TBC1D19: variants seen among roughly 807,000 people sequenced by gnomAD.
The protein encoded by TBC1D19 is TBC1 domain family, member 19.
TBC1D19 carries 60 observed loss-of-function variants against 89.0 expected under a neutral mutation model. That is an observed-to-expected ratio of 0.67 (90% CI 0.55 to 0.84). The LOEUF (loss-of-function observed/expected upper bound fraction) is 0.84, where lower values mean the gene tolerates loss of function less well. TBC1D19 is among the 40% of genes least tolerant of loss of function. TBC1D19 has a pLI of 0.00. For synonymous variants in TBC1D19, 189 were observed against 199.7 expected (o/e 0.95, Z 0.45); for missense variants, 500 against 610.8 (o/e 0.82, Z 1.91).
At chr4:26,838,292 C>G in the TBC1D19 span, among the ~76,000 whole-genome samples, 2 of 152,182 alleles carry the variant, frequency 1.3e-5, no homozygotes, top group Non-Finnish European at 2.9e-5. Context: ...TTCAGAGAGA[C>G]ACAGTCTGTG....
chr4:26,716,782 A>G (rs1409577840), intron 13 of TBC1D19, among the ~76,000 whole-genome samples: 3 of 151,890 alleles, frequency 2.0e-5, no homozygotes. Context: ...CCTTTTGTTT[A>G]TCATCTGTAT....
chr4:26,718,065 G>A (rs1439164094), intron 14 of TBC1D19, 48 bp downstream of exon 14: 4 of 1,400,578 alleles, frequency 2.9e-6, no homozygotes, highest in Non-Finnish European at 4.0e-6. Context: ...ACATAATCAT[G>A]CCAAGAATAT....
intron 8 of TBC1D19, among the ~76,000 whole-genome samples, chr4:26,661,206 A>T (rs1323843797): frequency 6.6e-6 from 1 of 152,178 alleles, no homozygotes; most frequent in Non-Finnish European, 1.5e-5. Context: ...CTGCACTCGG[A>T]GGCCTCAGAC....
chr4:26,632,856 G>T (rs1322715987), intron 4 of TBC1D19, among the ~76,000 whole-genome samples: 1 of 151,992 alleles, frequency 6.6e-6, no homozygotes, highest in African/African-American at 2.4e-5. Flanking sequence ...TTGTTTTTTG[G>T]CACCACTTCT....
chr4:26,834,057 A>G, the TBC1D19 span, among the ~76,000 whole-genome samples: 1 of 151,972 alleles, frequency 6.6e-6, no homozygotes, highest in African/African-American at 2.4e-5. Flanking sequence ...TTCTTATGAG[A>G]TCTGGTTGTT....
At chr4:26,842,847 A>G in the TBC1D19 span, among the ~76,000 whole-genome samples, 61,093 of 151,540 alleles carry the variant, frequency 0.4, 13,133 homozygotes, top group African/African-American at 0.56. Context: ...ATCTCGACAC[A>G]CATTTGTAAC....
At chr4:26,649,281 T>C (rs921540974) in intron 7 of TBC1D19, among the ~76,000 whole-genome samples, 1 of 152,202 alleles carries the variant, frequency 6.6e-6, no homozygotes, top group Non-Finnish European at 1.5e-5. Context: ...CTTCCTCAAA[T>C]ATGATAGCGT....
intron 13 of TBC1D19, among the ~76,000 whole-genome samples, chr4:26,706,217 G>A (rs1406436798): frequency 6.6e-6 from 1 of 152,136 alleles, no homozygotes; most frequent in African/African-American, 2.4e-5. Flanking sequence ...CTAGTTACAG[G>A]TCTGTTCAGA....
intron 1 of TBC1D19, among the ~76,000 whole-genome samples, chr4:26,577,315 CTG>C (rs377519156): frequency 4.0e-4 from 61 of 150,762 alleles, no homozygotes; most frequent in African/African-American, 1.4e-3. Flanking sequence ...GTGTGTGTGT[CTG>C]TGTGTGTGTG....
At position 26,637,248 on chromosome 4, in the gene TBC1D19, G is replaced by C; in HGVS notation, c.332G>C (p.Ser111Thr). Residue 111 changes from serine (S) to threonine (T), a missense_variant, in exon 5 of 21, where the codon AGT becomes ACT. Ser to Thr is a moderately conservative substitution (Grantham distance 58, BLOSUM62 1). This residue lies in a region of TBC1D19 where 280 missense variants were observed against 291.7 expected (regional missense o/e 0.96). Coordinates refer to ENST00000264866, the MANE Select transcript of TBC1D19 (RefSeq NM_018317.4). Reference sequence around the variant, plus strand: ...AAAAGAATTTTGAAGAGTTTAAATAGTATGTGCACTGAACTGAGTATCCCA... The same window carrying C: ...AAAAGAATTTTGAAGAGTTTAAATACTATGTGCACTGAACTGAGTATCCCA... ...WEKRILKSLN[S>T]MCTELSIPLA... 6.2e-7 allele frequency: 1 copy of C among 1,611,278 alleles called. No individual in the cohort carries two copies. The highest frequency in any genetic ancestry group is 8.5e-7 in the Non-Finnish European group (1 of 1,178,556).
intron 7 of TBC1D19, among the ~76,000 whole-genome samples, chr4:26,645,945 A>G (rs2035920495): frequency 6.6e-6 from 1 of 151,690 alleles, no homozygotes; most frequent in African/African-American, 2.4e-5. Context: ...AAAACGGTGA[A>G]ACCCCGTCTC....
At chr4:26,738,973 A>G (rs570593261) in intron 16 of TBC1D19, among the ~76,000 whole-genome samples, 8 of 152,294 alleles carry the variant, frequency 5.3e-5, no homozygotes, top group African/African-American at 1.7e-4. Context: ...TACTTGTCCA[A>G]TACATATTGT....
chr4:26,601,502 G>A (rs1239774492), intron 1 of TBC1D19, among the ~76,000 whole-genome samples: 3 of 152,200 alleles, frequency 2.0e-5, no homozygotes, highest in Admixed American at 6.5e-5. Context: ...TAGAGATTGG[G>A]GAAGTCTTGG....
the TBC1D19 span, among the ~76,000 whole-genome samples, chr4:26,791,413 C>G: frequency 6.6e-6 from 1 of 152,064 alleles, no homozygotes; most frequent in South Asian, 2.1e-4. Flanking sequence ...CCTTGAGGAC[C>G]AGCTGGCTTT....
chr4:26,681,365 C>T (rs1433849295), intron 11 of TBC1D19, among the ~76,000 whole-genome samples: 1 of 151,616 alleles, frequency 6.6e-6, no homozygotes, highest in East Asian at 1.9e-4. Context: ...CGGTGAAACC[C>T]TGTCTCTAAT....
intron 19 of TBC1D19, among the ~76,000 whole-genome samples, chr4:26,752,963 G>A (rs969630782): frequency 1.3e-5 from 2 of 152,038 alleles, no homozygotes; most frequent in Non-Finnish European, 2.9e-5. Flanking sequence ...TTGGCCTCCA[G>A]TGTTGTTTTC....
intron 13 of TBC1D19, among the ~76,000 whole-genome samples, chr4:26,695,883 G>A (rs190971219): frequency 1.5e-4 from 23 of 152,062 alleles, no homozygotes; most frequent in African/African-American, 1.2e-4. Flanking sequence ...AGGAACAAGC[G>A]GTACCAGCCA....
chr4:26,662,333 T>C (rs1745269516), intron 8 of TBC1D19, among the ~76,000 whole-genome samples: 1 of 152,118 alleles, frequency 6.6e-6, no homozygotes, highest in South Asian at 2.1e-4. Flanking sequence ...ATTAAGAATA[T>C]AGTATGCCAA....
chr4:26,787,518 G>T, the TBC1D19 span, among the ~76,000 whole-genome samples: 1 of 152,152 alleles, frequency 6.6e-6, no homozygotes, highest in Non-Finnish European at 1.5e-5. Context: ...GGAAAAGGGC[G>T]GTCTCTGACG....
Sources: allele counts gnomAD v4.1 joint callset (sites outside exome capture counted in the v4.1 genomes callset), GRCh38; gene constraint gnomAD v4.1.1; regional missense constraint gnomAD v4.1.1; transcripts MANE v1.5; gene names NCBI Gene and HGNC (gene_info 2026-07-23, HGNC 2026-07-21).